ITGB4: variants seen among roughly 807,000 people sequenced by gnomAD.
The protein encoded by ITGB4 is integrin beta-4.
In ITGB4, 159 loss-of-function variants were observed where a neutral mutation model predicts 207.6. The ratio of observed to expected loss-of-function variants is 0.77; its 90% confidence interval spans 0.67 to 0.87. ITGB4 has a LOEUF of 0.87. ITGB4 is among the 40% of genes least tolerant of loss of function. The pLI is 0.00. For missense variants in ITGB4, 2,278 were observed against 2,546.8 expected (o/e 0.89, Z 2.27); for synonymous variants, 1,020 against 1,062.7 (o/e 0.96, Z 0.78).
At chr17:75,730,778 C>G (rs1023108529) in intron 8 of ITGB4, 97 bp from the exon 9 acceptor site, 2 of 1,227,514 alleles carry the variant, frequency 1.6e-6, no homozygotes, top group Non-Finnish European at 2.4e-6. Flanking sequence ...CAGTAGGTTC[C>G]AGGCCTCAGT....
rs2290458 is a variant in ITGB4, at chr17:75,740,231, G to C, written c.2447-127G>C. 108,339 of 1,204,478 alleles carry C rather than the reference G, an allele frequency of 0.09. 5,201 individuals are homozygous for C. The highest frequency in any genetic ancestry group is 0.13 in the Middle Eastern group (483 of 3,692). The allele number at this position is 1,204,478 out of a possible 1,614,324, so 74.6% of individuals were successfully genotyped here. A position where few individuals can be genotyped will look rare whatever the true frequency, so the allele number is the denominator to read the frequency against. On this transcript the variant is annotated intron_variant, in intron 20 of 39. Transcript: ENST00000200181. This position sits in a 1 kb window ranked among gnomAD's most constrained non-coding sequence, Gnocchi z 5.9. ...GATGGTGCTATGAACCTCATGCCTC[G>C]GTGTGCGTGGCCTGCTGGCCAGGCA...
intron 18 of ITGB4, among the ~76,000 whole-genome samples, chr17:75,738,109 T>A (rs188600597): frequency 6.6e-6 from 1 of 152,280 alleles, no homozygotes; most frequent in African/African-American, 2.4e-5. Flanking sequence ...AAAATGAAGA[T>A]CATAGAATTG....
rs148658410 is a variant in ITGB4 at position 75,756,944 on chromosome 17, G to A, written c.5055G>A (p.Gly1685=). The part of the protein sequence containing the change: ...LVTCEMAQGG[G]PATAFRVDGD... ...GCTGAAGGCATCTTCCCTGCTCAGG[G>A]CCAGCCACCGCATTCCGGGTGGATG... The change falls in exon 38 of 40, where the codon GGG becomes GGA. Residue 1685 remains glycine (G), a splice_region_variant and synonymous_variant. Coordinates refer to ENST00000200181, the MANE Select transcript of ITGB4 (RefSeq NM_000213.5). The A allele has an allele frequency of 1.6e-4, 256 of 1,612,374 alleles. 3 individuals are homozygous for A. In the East Asian group the frequency reaches 2.9e-3, roughly 18 times the overall value.
At position 75,756,874 on chromosome 17, in the gene ITGB4, G is replaced by C. The variant is rs375178466; in HGVS notation, c.5053+15G>C. 2 of 1,611,900 alleles carry C rather than the reference G, an allele frequency of 1.2e-6. No homozygotes were observed. The highest frequency in any genetic ancestry group is 1.7e-6 in the Non-Finnish European group (2 of 1,179,812). ...CCAAGGAGGAGGTGCTGCCCACCCC[G>C]GGGGCAGGAGTGGCCAGGGGAGGGG... On this transcript the variant is annotated intron_variant, in intron 37 of 39. Transcript: ENST00000200181.
At chr17:75,754,531 G>A in intron 33 of ITGB4, 45 bp from the exon 34 acceptor site, 1 of 1,611,984 alleles carries the variant, frequency 6.2e-7, no homozygotes, top group African/African-American at 1.3e-5. Context: ...ACGGGGCCCG[G>A]GTCTGGGGCA....
chr17:75,745,892 A>G (rs2061222762), intron 26 of ITGB4, among the ~76,000 whole-genome samples: 1 of 152,168 alleles, frequency 6.6e-6, no homozygotes, highest in Non-Finnish European at 1.5e-5. Flanking sequence ...AAAAGAAAAA[A>G]AAAATTATCT....
chr17:75,731,868 C>T lies in ITGB4; in HGVS notation c.1272C>T (p.Cys424=), dbSNP rs1391588497. 1.9e-6 allele frequency: 3 copies of T among 1,613,492 alleles called. No homozygotes were observed. Among genetic ancestry groups the T allele is most frequent in the Non-Finnish European group, 1.7e-6 (2 of 1,179,788 alleles). Residue 424 remains cysteine, a synonymous_variant, in exon 11 of 40, where the codon TGC becomes TGT. Transcript: ENST00000200181. This position sits in a 1 kb window ranked among gnomAD's most constrained non-coding sequence, Gnocchi z 6.8. Reference sequence around the variant, plus strand: ...AGCACGTGGATGGGACGCACGTGTGCCAGCTGCCGGAGGACCAGAAGGGCA... The same window carrying T: ...AGCACGTGGATGGGACGCACGTGTGTCAGCTGCCGGAGGACCAGAAGGGCA... ...ALEHVDGTHV[C]QLPEDQKGNI...
Position 75,757,802 on chromosome 17 carries a change from T to C in ITGB4, c.*247T>C, listed in dbSNP as rs2061556136. 4.8e-5 allele frequency: 32 copies of C among 662,654 alleles called. No individual in the cohort carries two copies. The South Asian group carries it at 5.6e-4, about 12-fold the overall frequency. 41.0% of individuals were successfully genotyped at this position (662,654 alleles called of 1,614,324 possible). ...CAGCCTTTGTTCTGCACTTAATAAA[T>C]GGTTTTGCTACTGCTAGGCCCTGCC... On this transcript the variant is annotated 3_prime_UTR_variant, in exon 40 of 40. Coordinates refer to ENST00000200181, the MANE Select transcript of ITGB4 (RefSeq NM_000213.5).
chr17:75,736,028 C>T (rs1178985533), intron 13 of ITGB4, 23 bp from the exon 14 acceptor site: 1 of 1,610,554 alleles, frequency 6.2e-7, no homozygotes, highest in Non-Finnish European at 8.5e-7. Flanking sequence ...GCTCTCATCT[C>T]CCTTCCTTGT....
At position 75,757,725 on chromosome 17, in the gene ITGB4, C is replaced by T. The variant is rs377058449; in HGVS notation, c.*170C>T. 2.1e-5 allele frequency: 18 copies of T among 876,652 alleles called. No homozygotes were observed. The highest frequency in any genetic ancestry group is 1.3e-4 in the East Asian group (5 of 38,066). 54.3% of individuals were successfully genotyped at this position (876,652 alleles called of 1,614,324 possible). On this transcript the variant is annotated 3_prime_UTR_variant, in exon 40 of 40. Coordinates refer to ENST00000200181, the MANE Select transcript of ITGB4 (RefSeq NM_000213.5). ...GCATGAAGGGGGCAAGGTCCGTCCT[C>T]TGTGGGCCCAAACCTATTTGTAACC...
At chr17:75,736,218 T>C in intron 14 of ITGB4, 64 bp downstream of exon 14, 1 of 1,601,786 alleles carries the variant, frequency 6.2e-7, no homozygotes, top group Non-Finnish European at 8.6e-7. Flanking sequence ...GAGAGAACCC[T>C]ATGGAGAGAG....
chr17:75,756,691 C>T lies in ITGB4; in HGVS notation c.4898-13C>T. The T allele has an allele frequency of 6.2e-7, 1 of 1,613,504 alleles. No homozygotes were observed. The highest frequency in any genetic ancestry group is 1.1e-5 in the South Asian group (1 of 91,080). On this transcript the variant is annotated splice_polypyrimidine_tract_variant and intron_variant, in intron 36 of 39. Transcript: ENST00000200181. ...CCACCCACAGGCTGATGCTCTTCCT[C>T]TACTGCCCCCAGGCTCCGCCTTCAC... is the stretch of plus-strand genomic sequence containing the variant.
chr17:75,724,650 C>T (rs2060682078), intron 1 of ITGB4, 44 bp from the exon 2 acceptor site: 2 of 1,399,452 alleles, frequency 1.4e-6, no homozygotes, highest in South Asian at 2.3e-5. Flanking sequence ...CGGCACCGAC[C>T]ATGGCTGTGG....
At position 75,732,159 on chromosome 17, in the gene ITGB4, C is replaced by G. The variant is rs1568351388; in HGVS notation, c.1378-4C>G. Reference sequence around the variant, plus strand: ...GCACCCCACCATGGTCTCTCTCATTCCAGCAAAAAGAGGTGCGGTCAGCTC... The same window carrying G: ...GCACCCCACCATGGTCTCTCTCATTGCAGCAAAAAGAGGTGCGGTCAGCTC... On this transcript the variant is annotated splice_polypyrimidine_tract_variant and splice_region_variant and intron_variant, in intron 11 of 39. Transcript: ENST00000200181. The surrounding 1 kb of genome is among the most constrained non-coding windows in gnomAD (Gnocchi z 5.3). 1.2e-6 allele frequency: 2 copies of G among 1,614,090 alleles called. No homozygotes were observed. Among genetic ancestry groups the G allele is most frequent in the Non-Finnish European group, 1.7e-6 (2 of 1,180,036 alleles).
Position 75,753,928 on chromosome 17 carries a change from G to A in ITGB4, c.4272G>A (p.Gly1424=). 7.8e-7 allele frequency: 1 copy of A among 1,285,010 alleles called. No homozygotes were observed. 79.6% of individuals were successfully genotyped at this position (1,285,010 alleles called of 1,614,324 possible). A position where few individuals can be genotyped will look rare whatever the true frequency, so the allele number is the denominator to read the frequency against. The change falls in exon 33 of 40, where the codon GGG becomes GGA. Residue 1424 remains glycine, a synonymous_variant. Transcript: ENST00000200181. ...HGPPDDGGAG[G]KGGSLPRSAT... ...CCCCGGACGACGGCGGCGCGGGCGG[G>A]AAGGGCGGCAGCCTGCCCCGCAGTG... is the stretch of plus-strand genomic sequence containing the variant.
At position 75,732,335 on chromosome 17, in the gene ITGB4, C is replaced by A; in HGVS notation, c.1454+96C>A. 1 of 1,219,670 alleles carries A rather than the reference C, an allele frequency of 8.2e-7. No individual in the cohort carries two copies. The highest frequency in any genetic ancestry group is 1.2e-6 in the Non-Finnish European group (1 of 830,050). The allele number at this position is 1,219,670 out of a possible 1,614,324, so 75.6% of individuals were successfully genotyped here. A position where few individuals can be genotyped will look rare whatever the true frequency, so the allele number is the denominator to read the frequency against. On this transcript the variant is annotated intron_variant, in intron 12 of 39. Coordinates refer to ENST00000200181, the MANE Select transcript of ITGB4 (RefSeq NM_000213.5). This position sits in a 1 kb window ranked among gnomAD's most constrained non-coding sequence, Gnocchi z 5.3. ...GGCCTGGCCCTGGGTGCACCTTGTA[C>A]ACCTGGCTGGGGGTGGGGCGGCAAT...
Position 75,756,411 on chromosome 17 carries a change from C to A in ITGB4, c.4709-18C>A. The A allele has an allele frequency of 6.2e-7, 1 of 1,612,980 alleles. No homozygotes were observed. The highest frequency in any genetic ancestry group is 8.5e-7 in the Non-Finnish European group (1 of 1,179,868). On this transcript the variant is annotated intron_variant, in intron 35 of 39. Coordinates refer to ENST00000200181, the MANE Select transcript of ITGB4 (RefSeq NM_000213.5). ...GAGTAACACTGCACTACTGTGTGCC[C>A]CCACCTGATCCCCCCAGGTGAGCTG...
At position 75,740,774 on chromosome 17, in the gene ITGB4, C is replaced by T. The variant is rs753962711; in HGVS notation, c.2551-19C>T. Reference sequence around the variant, plus strand: ...GGGGTGGCCTAGGCCCAGCCTCACGCCCCTCCCTTGCCTGGCAGCTGAACG... The same window carrying T: ...GGGGTGGCCTAGGCCCAGCCTCACGTCCCTCCCTTGCCTGGCAGCTGAACG... On this transcript the variant is annotated intron_variant, in intron 21 of 39. Coordinates refer to ENST00000200181, the MANE Select transcript of ITGB4 (RefSeq NM_000213.5). The surrounding 1 kb of genome is among the most constrained non-coding windows in gnomAD (Gnocchi z 5.9). 1.9e-6 allele frequency: 3 copies of T among 1,612,422 alleles called. No individual in the cohort carries two copies. The highest frequency in any genetic ancestry group is 4.5e-5 in the East Asian group (2 of 44,882).
rs201201633 is a variant in ITGB4, at chr17:75,731,411, G to A, written c.1215+43G>A. 6.6e-5 allele frequency: 104 copies of A among 1,573,734 alleles called. No individual in the cohort carries two copies. In the East Asian group the frequency reaches 1.5e-3, roughly 23 times the overall value. On this transcript the variant is annotated intron_variant, in intron 10 of 39. Coordinates refer to ENST00000200181, the MANE Select transcript of ITGB4 (RefSeq NM_000213.5). The surrounding 1 kb of genome is among the most constrained non-coding windows in gnomAD (Gnocchi z 6.8). ...CAGCGGGGTGGGGGATAGGCACAGCGCCCCACACCGAGTGGAATCGTTTAA... is the reference window on the plus strand; with the variant it reads ...CAGCGGGGTGGGGGATAGGCACAGCACCCCACACCGAGTGGAATCGTTTAA...
Sources: allele counts gnomAD v4.1 joint callset (sites outside exome capture counted in the v4.1 genomes callset), GRCh38; gene constraint gnomAD v4.1.1; non-coding constraint Gnocchi (gnomAD v3.1); transcripts MANE v1.5; gene names NCBI Gene and HGNC (gene_info 2026-07-23, HGNC 2026-07-21).